The following TLDC2 variants were observed in gnomAD, a reference collection of about 807,000 sequenced individuals.
TLDC2 encodes the protein TLD domain-containing protein 2.
TLDC2 carries 23 observed loss-of-function variants against 27.9 expected under a neutral mutation model. The ratio of observed to expected loss-of-function variants is 0.82; its 90% CI spans 0.59 to 1.17. TLDC2 has a LOEUF of 1.17. Among genes scored for constraint, TLDC2 ranks in the 50% most tolerant of loss-of-function variants. The probability of loss-of-function intolerance (pLI) is 0.00; values close to 1 mark genes in which losing one functional copy is unlikely to be tolerated. For synonymous variants in TLDC2, 124 were observed against 107.4 expected, an observed-to-expected ratio of 1.16 and a Z score of -0.96; for missense variants, 286 against 273.4, an observed-to-expected ratio of 1.05 and a Z score of -0.32.
At chr20:36,880,886 G>A in intron 4 of TLDC2, 136 bp downstream of exon 4, 1 of 756,126 alleles carries the variant, frequency 1.3e-6, no homozygotes, top group Non-Finnish European at 2.2e-6. Flanking sequence ...GGAATGAGCA[G>A]GGCAGTGGTG....
chr20:36,876,419 C>T (rs564748358), intron 1 of TLDC2, among the ~76,000 whole-genome samples: 5 of 152,262 alleles, frequency 3.3e-5, no homozygotes, highest in East Asian at 3.9e-4. Context: ...GGGGACAGAC[C>T]GATGTCTCTG....
intron 4 of TLDC2, among the ~76,000 whole-genome samples, chr20:36,886,968 C>T (rs1989933946): frequency 1.3e-5 from 2 of 152,062 alleles, no homozygotes; most frequent in African/African-American, 4.8e-5. Context: ...ACAGTGGATG[C>T]AGAGGGACCA....
chr20:36,886,046 CTAA>C (rs1286120663), intron 4 of TLDC2, among the ~76,000 whole-genome samples: 3 of 152,034 alleles, frequency 2.0e-5, no homozygotes, highest in African/African-American at 7.2e-5. Flanking sequence ...ACTGGTGTGG[CTAA>C]TGTGTAGTCA....
chr20:36,880,073 A>ATACATATATATATATG (rs1989771473), intron 3 of TLDC2, among the ~76,000 whole-genome samples: 1 of 40,574 alleles, frequency 2.5e-5, no homozygotes, highest in African/African-American at 6.0e-5. Context: ...ATATATACAT[A>ATACATATATATATATG]TATATATATA....
At chr20:36,882,115 G>A (rs1989828312) in intron 4 of TLDC2, among the ~76,000 whole-genome samples, 1 of 152,186 alleles carries the variant, frequency 6.6e-6, no homozygotes, top group African/African-American at 2.4e-5. Context: ...GGTGGCTCGA[G>A]CTGCCCAGGA....
In TLDC2 at chr20:36,893,646, G is replaced by A; in HGVS notation, c.*802G>A. 1 of 378,400 alleles carries A rather than the reference G, an allele frequency of 2.6e-6. No homozygotes were observed. The highest frequency in any genetic ancestry group is 4.7e-6 in the Non-Finnish European group (1 of 214,050). 23.4% of individuals were successfully genotyped at this position (378,400 alleles called of 1,614,324 possible). A position where few individuals can be genotyped will look rare whatever the true frequency, so the allele number is the denominator to read the frequency against. On this transcript the variant is annotated 3_prime_UTR_variant, in exon 7 of 7. Transcript: ENST00000217320. ...GTGAAACCATAGAGGTAAGAAGCAA[G>A]GCCTCCTAATACTTGACTCTATGCT... is the stretch of plus-strand genomic sequence containing the variant.
At chr20:36,881,180 A>G (rs994590464) in intron 4 of TLDC2, among the ~76,000 whole-genome samples, 2 of 152,082 alleles carry the variant, frequency 1.3e-5, no homozygotes, top group African/African-American at 4.8e-5. Flanking sequence ...GGATTTCAAG[A>G]CCTACCTAGG....
chr20:36,880,079 A>ATATGTATATATATATATGTGTGTG lies in TLDC2; in HGVS notation c.343-573_343-572insGTATATATATATATGTGTGTGTAT, dbSNP rs1568748437. ...GTAGAATATATATATACATATATAT[A>ATATGTATATATATATATGTGTGTG]TATATATATATATATATATATACTT... On this transcript the variant is annotated intron_variant, in intron 3 of 6. Coordinates refer to ENST00000217320, the MANE Select transcript of TLDC2 (RefSeq NM_080628.3). Among the ~76,000 whole-genome samples, 18 of 47,348 alleles carry ATATGTATATATATATATGTGTGTG rather than the reference A, an allele frequency of 3.8e-4. 3 individuals are homozygous for ATATGTATATATATATATGTGTGTG. Among genetic ancestry groups the ATATGTATATATATATATGTGTGTG allele is most frequent in the Non-Finnish European group, 9.6e-4 (17 of 17,642 alleles). 31.1% of individuals were successfully genotyped at this position (47,348 alleles called of 152,430 possible).
chr20:36,893,955 G>A lies in TLDC2; in HGVS notation c.*1111G>A. On this transcript the variant is annotated 3_prime_UTR_variant, in exon 7 of 7. Coordinates refer to ENST00000217320, the MANE Select transcript of TLDC2 (RefSeq NM_080628.3). ...CTGGAGGTGAGAAGAGGGCAGAGAAGTCAGGTTTTTTCTCTCCCTACCTCC... is the reference window on the plus strand; with the variant it reads ...CTGGAGGTGAGAAGAGGGCAGAGAAATCAGGTTTTTTCTCTCCCTACCTCC... 2.5e-6 allele frequency: 1 copy of A among 398,602 alleles called. No homozygotes were observed. Among genetic ancestry groups the A allele is most frequent in the Non-Finnish European group, 4.4e-6 (1 of 226,076 alleles). The allele number at this position is 398,602 out of a possible 1,614,324, so 24.7% of individuals were successfully genotyped here. A position where few individuals can be genotyped will look rare whatever the true frequency, so the allele number is the denominator to read the frequency against.
Position 36,883,139 on chromosome 20 carries a change from CT to C in TLDC2, c.438+2402del, listed in dbSNP as rs199970135. On this transcript the variant is annotated intron_variant, in intron 4 of 6. Transcript: ENST00000217320. Reference sequence around the variant, plus strand: ...TCCTTGCATCTCAAACATGGCGTTTCTTTTTTTTTTTTTCTGAGACAGAGTC... The same window carrying C: ...TCCTTGCATCTCAAACATGGCGTTTCTTTTTTTTTTTTCTGAGACAGAGTC... 8.9e-3 allele frequency among the ~76,000 whole-genome samples: 1,283 copies of C among 143,854 alleles called. 13 individuals carry two copies. The highest frequency in any genetic ancestry group is 0.027 in the African/African-American group (1,065 of 39,460). The allele number at this position is 143,854 out of a possible 152,430, so 94.4% of individuals were successfully genotyped here. A position where few individuals can be genotyped will look rare whatever the true frequency, so the allele number is the denominator to read the frequency against.
In TLDC2 at chr20:36,888,057, C is replaced by A. The variant is rs193091489; in HGVS notation, c.512+529C>A. Among the ~76,000 whole-genome samples the A allele has an allele frequency of 5.9e-5, 9 of 152,258 alleles. No homozygotes were observed. In the East Asian group the frequency reaches 1.7e-3, roughly 29 times the overall value. ...TTTGCTCTCCCAACTGCCTGAAAAG[C>A]CTCCACTGAGGGGCAGCTTGGCACA... On this transcript the variant is annotated intron_variant, in intron 5 of 6. Transcript: ENST00000217320.
At chr20:36,880,244 C>T (rs1193093581) in intron 3 of TLDC2, among the ~76,000 whole-genome samples, 1 of 151,518 alleles carries the variant, frequency 6.6e-6, no homozygotes, top group Non-Finnish European at 1.5e-5. Flanking sequence ...CAAGCACTTG[C>T]CACCACGCCC....
intron 4 of TLDC2, among the ~76,000 whole-genome samples, chr20:36,881,570 G>A (rs183349891): frequency 5.4e-4 from 83 of 152,298 alleles, no homozygotes; most frequent in Admixed American, 2.0e-3. Context: ...TCAGTGCATC[G>A]GCTGCTCGGC....
In TLDC2 at chr20:36,893,946, G is replaced by C. The variant is rs1331175560; in HGVS notation, c.*1102G>C. The C allele has an allele frequency of 2.5e-6, 1 of 398,480 alleles. No homozygotes were observed. The highest frequency in any genetic ancestry group is 3.6e-5 in the East Asian group (1 of 28,092). The allele number at this position is 398,480 out of a possible 1,614,324, so 24.7% of individuals were successfully genotyped here. On this transcript the variant is annotated 3_prime_UTR_variant, in exon 7 of 7. Transcript: ENST00000217320. ...GGTGGGAGACTGGAGGTGAGAAGAG[G>C]GCAGAGAAGTCAGGTTTTTTCTCTC...
intron 2 of TLDC2, 74 bp downstream of exon 2, chr20:36,878,128 C>G: frequency 1.3e-6 from 2 of 1,495,144 alleles, no homozygotes; most frequent in South Asian, 2.6e-5. Context: ...CTACACCAGC[C>G]ACGCCCAGGG....
At chr20:36,883,232 G>A (rs1446297530) in intron 4 of TLDC2, among the ~76,000 whole-genome samples, 1 of 151,806 alleles carries the variant, frequency 6.6e-6, no homozygotes, top group Non-Finnish European at 1.5e-5. Context: ...CACCTCCTGG[G>A]CTCAATTGAT....
At chr20:36,888,599 G>A (rs534843559) in intron 5 of TLDC2, among the ~76,000 whole-genome samples, 3 of 149,606 alleles carry the variant, frequency 2.0e-5, no homozygotes, top group South Asian at 4.3e-4. Flanking sequence ...CCAGCTACTC[G>A]GGAGGCTGAG....
chr20:36,880,301 C>A (rs1293416241), intron 3 of TLDC2, among the ~76,000 whole-genome samples: 1 of 151,516 alleles, frequency 6.6e-6, no homozygotes, highest in East Asian at 1.9e-4. Context: ...ACTAAGTTGG[C>A]CAGATTGGTC....
rs1041338429 is a variant in TLDC2 at position 36,880,750 on chromosome 20, G to A, written c.438G>A (p.Lys146=). ...TCTTCTCCTTCTCCCCACAGCTGAAGGTGATGTTCCCAACCTTCCATGGGG... is the reference window on the plus strand; with the variant it reads ...TCTTCTCCTTCTCCCCACAGCTGAAAGTGATGTTCCCAACCTTCCATGGGG... ...TFLFSFSPQL[K]VFKWTGSNSF... The change falls in exon 4 of 7, where the codon AAG becomes AAA. Residue 146 remains lysine, a splice_region_variant and synonymous_variant. Coordinates refer to ENST00000217320, the MANE Select transcript of TLDC2 (RefSeq NM_080628.3). 6.2e-7 allele frequency: 1 copy of A among 1,614,110 alleles called. No individual in the cohort carries two copies. The highest frequency in any genetic ancestry group is 8.5e-7 in the Non-Finnish European group (1 of 1,179,940).
Sources: gnomAD v4.1 joint callset for allele counts (sites outside exome capture counted in the v4.1 genomes callset) on GRCh38, gnomAD v4.1.1 for gene constraint, MANE v1.5 for transcripts, NCBI Gene and HGNC (gene_info 2026-07-23, HGNC 2026-07-21) for gene names.